The following EVA1C variants were observed in gnomAD, a reference collection of about 807,000 sequenced individuals.
EVA1C encodes protein eva-1 homolog C.
Under a neutral mutation model 45.4 loss-of-function variants are expected in EVA1C, and 25 were observed. The observed-to-expected ratio is 0.55, with a 90% CI of 0.40 to 0.77. EVA1C has a LOEUF of 0.77. EVA1C is among the 30% of genes least tolerant of loss of function. The pLI, the probability that EVA1C is intolerant of heterozygous loss-of-function variation, is 0.00. For missense variants in EVA1C, 479 were observed against 554.8 expected (o/e 0.86, Z 1.37); for synonymous variants, 190 against 221.2 (o/e 0.86, Z 1.25).
intron 1 of EVA1C, among the ~76,000 whole-genome samples, chr21:32,443,000 AGGAG>A (rs1279952008): frequency 1.4e-3 from 94 of 65,110 alleles, no homozygotes; most frequent in African/African-American, 2.8e-3. Context: ...GAGGGAGGGA[AGGAG>A]GGAGGGAGGG....
chr21:32,450,177 G>A (rs1456951590), intron 1 of EVA1C, among the ~76,000 whole-genome samples: 1 of 152,216 alleles, frequency 6.6e-6, no homozygotes, highest in Non-Finnish European at 1.5e-5. Flanking sequence ...GCACGTACAG[G>A]TCTTGATGTA....
In EVA1C at chr21:32,501,513, C is replaced by G; in HGVS notation, c.859+18C>G. ...TGAATATGGTAATTTTTATGGCTTA[C>G]TACCAGCATTTCTCTTTAAGTAAAG... On this transcript the variant is annotated intron_variant, in intron 6 of 7. Coordinates refer to ENST00000300255, the MANE Select transcript of EVA1C (RefSeq NM_058187.5). 3 of 1,592,660 alleles carry G rather than the reference C, an allele frequency of 1.9e-6. No homozygotes were observed. The highest frequency in any genetic ancestry group is 2.5e-6 in the Non-Finnish European group (3 of 1,177,800).
At chr21:32,458,785 T>C (rs1396062376) in intron 3 of EVA1C, among the ~76,000 whole-genome samples, 1 of 152,026 alleles carries the variant, frequency 6.6e-6, no homozygotes, top group Non-Finnish European at 1.5e-5. Flanking sequence ...CTGGTCGAGT[T>C]AAGCATTTTT....
At chr21:32,449,627 GTTT>G (rs59516994) in intron 1 of EVA1C, among the ~76,000 whole-genome samples, 1 of 142,866 alleles carries the variant, frequency 7.0e-6, no homozygotes, top group Admixed American at 7.0e-5. Context: ...TTTTTGTTTT[GTTT>G]TTTTTTTTTG....
Position 32,417,514 on chromosome 21 carries a change from A to G in EVA1C, c.160+4501A>G, listed in dbSNP as rs75619213. Among the ~76,000 whole-genome samples the G allele has an allele frequency of 9.2e-3, 1,405 of 152,320 alleles. 29 individuals carry two copies. The highest frequency in any genetic ancestry group is 0.032 in the African/African-American group (1,346 of 41,558). On this transcript the variant is annotated intron_variant, in intron 1 of 7. Transcript: ENST00000300255. ...TTTAAAGGCCCTGTCTCCAAATACT[A>G]TCATAGTCTGAAGTGCTAGAGATTA...
chr21:32,484,943 G>A (rs150209721), intron 4 of EVA1C, among the ~76,000 whole-genome samples: 132 of 152,058 alleles, frequency 8.7e-4, no homozygotes, highest in African/African-American at 2.8e-3. Flanking sequence ...CTTGTTTGCC[G>A]ATTTTTTTTT....
At chr21:32,500,165 G>A (rs1303784718) in intron 5 of EVA1C, among the ~76,000 whole-genome samples, 2 of 147,920 alleles carry the variant, frequency 1.4e-5, no homozygotes, top group African/African-American at 2.5e-5. Flanking sequence ...GTCCAGGGAA[G>A]CTCATCTTCA....
chr21:32,432,756 T>G (rs1353451232), intron 1 of EVA1C, among the ~76,000 whole-genome samples: 1 of 152,240 alleles, frequency 6.6e-6, no homozygotes, highest in Non-Finnish European at 1.5e-5. Flanking sequence ...GGTCTTGCTC[T>G]GTTGCCCAGG....
intron 1 of EVA1C, among the ~76,000 whole-genome samples, chr21:32,447,372 G>T (rs1235559081): frequency 1.3e-5 from 2 of 151,944 alleles, no homozygotes; most frequent in Non-Finnish European, 2.9e-5. Context: ...CCGTCTCGGT[G>T]GGGGGAAAAG....
intron 4 of EVA1C, among the ~76,000 whole-genome samples, chr21:32,473,236 C>T (rs369842082): frequency 2.6e-4 from 39 of 152,368 alleles, no homozygotes; most frequent in Non-Finnish European, 4.6e-4. Context: ...ATAACACCTG[C>T]GTGTGTTCCA....
At chr21:32,442,652 G>A (rs551339924) in intron 1 of EVA1C, among the ~76,000 whole-genome samples, 2 of 148,750 alleles carry the variant, frequency 1.3e-5, no homozygotes, top group Admixed American at 6.7e-5. Context: ...CAAGTGGAGG[G>A]TGGCAGGTTA....
intron 7 of EVA1C, among the ~76,000 whole-genome samples, chr21:32,504,665 A>C (rs2037665170): frequency 6.6e-6 from 1 of 152,236 alleles, no homozygotes; most frequent in South Asian, 2.1e-4. Flanking sequence ...AGTTTCAGCA[A>C]TGCCTGCCTA....
intron 1 of EVA1C, among the ~76,000 whole-genome samples, chr21:32,417,626 C>G (rs2146099816): frequency 6.6e-6 from 1 of 152,298 alleles, no homozygotes; most frequent in Middle Eastern, 3.4e-3. Flanking sequence ...ACTGATAGCT[C>G]TTTATTTCAC....
At chr21:32,507,697 C>A (rs184794389) in intron 7 of EVA1C, among the ~76,000 whole-genome samples, 1 of 139,600 alleles carries the variant, frequency 7.2e-6, no homozygotes, top group Non-Finnish European at 1.6e-5. Context: ...TGTGTGCATG[C>A]GTATGTGCAC....
At chr21:32,435,415 G>A (rs1386874850) in intron 1 of EVA1C, among the ~76,000 whole-genome samples, 2 of 152,132 alleles carry the variant, frequency 1.3e-5, no homozygotes, top group African/African-American at 2.4e-5. Context: ...TCCTGCCTCA[G>A]TAGCCCCTCC....
chr21:32,420,604 G>A (rs2034232682), intron 1 of EVA1C, among the ~76,000 whole-genome samples: 1 of 152,066 alleles, frequency 6.6e-6, no homozygotes, highest in Non-Finnish European at 1.5e-5. Flanking sequence ...ATGTTGCCCA[G>A]GCTGGTCTCA....
intron 4 of EVA1C, among the ~76,000 whole-genome samples, chr21:32,488,455 C>A (rs369143586): frequency 6.6e-6 from 1 of 152,188 alleles, no homozygotes; most frequent in African/African-American, 2.4e-5. Context: ...ACACCCTCTC[C>A]AAACACTTGT....
rs146142260 is a variant in EVA1C at position 32,453,573 on chromosome 21, G to A, written c.357+65G>A. 3.8e-4 allele frequency: 446 copies of A among 1,182,782 alleles called. 3 individuals carry two copies. The East Asian group carries it at 0.01, about 27-fold the overall frequency. The allele number at this position is 1,182,782 out of a possible 1,614,324, so 73.3% of individuals were successfully genotyped here. A position where few individuals can be genotyped will look rare whatever the true frequency, so the allele number is the denominator to read the frequency against. On this transcript the variant is annotated intron_variant, in intron 2 of 7. Coordinates refer to ENST00000300255, the MANE Select transcript of EVA1C (RefSeq NM_058187.5). ...AACACACACTCTTTCTCTCTCTCTG[G>A]GTATAAATATATTTGTGATTATATA...
At chr21:32,496,102 C>G (rs1328046564) in intron 5 of EVA1C, among the ~76,000 whole-genome samples, 3 of 152,134 alleles carry the variant, frequency 2.0e-5, no homozygotes, top group African/African-American at 7.2e-5. Flanking sequence ...ACATTCGCAT[C>G]CCCCCAAAAG....
Sources: allele counts gnomAD v4.1 joint callset (sites outside exome capture counted in the v4.1 genomes callset), GRCh38; gene constraint gnomAD v4.1.1; transcripts MANE v1.5; gene names NCBI Gene and HGNC (gene_info 2026-07-23, HGNC 2026-07-21).